BRD8: variants seen among roughly 807,000 people sequenced by gnomAD.
BRD8 encodes bromodomain containing 8, also known as bromodomain-containing protein 8.
In BRD8, 67 loss-of-function variants were observed where a neutral mutation model predicts 143.1. The ratio of observed to expected loss-of-function variants is 0.47; its 90% CI spans 0.38 to 0.57. BRD8 has a LOEUF of 0.57. Ranked by LOEUF, BRD8 falls within the 20% of genes least tolerant of loss-of-function variation. BRD8 has a pLI of 0.00. For synonymous variants in BRD8, 505 were observed against 517.1 expected (o/e 0.98, Z 0.32); for missense variants, 1,103 against 1,503.0 (o/e 0.73, Z 4.40).
intron 23 of BRD8, among the ~76,000 whole-genome samples, chr5:138,148,064 T>G (rs769069906): frequency 4.0e-5 from 6 of 149,422 alleles, no homozygotes; most frequent in Non-Finnish European, 8.9e-5. Context: ...AAACCAGGGG[T>G]GTCCAATCTT....
intron 9 of BRD8, 177 bp downstream of exon 9, chr5:138,167,756 AG>A: frequency 1.7e-6 from 1 of 595,480 alleles, no homozygotes. Context: ...TCTTGAAGAT[AG>A]ATGGCTTTAT....
Position 138,140,119 on chromosome 5 carries a change from T to A in BRD8, c.3663A>T (p.Glu1221Asp), listed in dbSNP as rs747319280. The change falls in exon 27 of 27, where the codon GAA (glutamate) becomes GAT (aspartate). Residue 1221 changes from glutamate (E) to aspartate (D), a missense_variant. Physicochemically the swap from Glu to Asp is conservative, Grantham distance 45 (BLOSUM62 2). Coordinates refer to ENST00000254900, the MANE Select transcript of BRD8 (RefSeq NM_139199.2). ...LDKRKGSSSLEGEPANPVDDG... is the reference protein window; with the variant it reads ...LDKRKGSSSLDGEPANPVDDG... ...CATCCACTGGGTTAGCTGGTTCTCC[T>A]TCCAGACTACTTGAGCCTTTTCTTT... 1 of 1,613,912 alleles carries A rather than the reference T, an allele frequency of 6.2e-7. No individual in the cohort carries two copies. The highest frequency in any genetic ancestry group is 1.3e-5 in the African/African-American group (1 of 74,936).
intron 7 of BRD8, 128 bp from the exon 8 acceptor site, chr5:138,169,486 G>A: frequency 8.8e-7 from 1 of 1,138,174 alleles, no homozygotes; most frequent in South Asian, 1.8e-5. Context: ...AATAAGTTTG[G>A]ATTAGAAAGC....
chr5:138,175,291 A>G (rs1244692969), intron 2 of BRD8, among the ~76,000 whole-genome samples: 1 of 152,206 alleles, frequency 6.6e-6, no homozygotes. Context: ...TAAAAAACAA[A>G]CAAAAAAAAT....
chr5:138,164,297 C>T, intron 13 of BRD8, 23 bp downstream of exon 13: 2 of 1,610,270 alleles, frequency 1.2e-6, no homozygotes, highest in Non-Finnish European at 1.7e-6. Context: ...GATTTCAAGT[C>T]AGTGAAAGAG....
At position 138,165,986 on chromosome 5, in the gene BRD8, A is replaced by C; in HGVS notation, c.1120T>G (p.Ser374Ala). Residue 374 changes from serine to alanine, a missense_variant, in exon 11 of 27, where the codon TCA becomes GCA. Physicochemically the swap from Ser to Ala is moderately conservative, Grantham distance 99 (BLOSUM62 1). This residue lies in a region of BRD8 where 334 missense variants were observed against 372.5 expected (regional missense o/e 0.90). Transcript: ENST00000254900. ...INSIKEECFR[S>A]GVAEAPVGSK... Reference sequence around the variant, plus strand: ...CCAACAGGAGCCTCTGCTACCCCTGATCGAAAACACTCTTCTTTGATAGAA... The same window carrying C: ...CCAACAGGAGCCTCTGCTACCCCTGCTCGAAAACACTCTTCTTTGATAGAA... 1 of 1,614,178 alleles carries C rather than the reference A, an allele frequency of 6.2e-7. No homozygotes were observed. The highest frequency in any genetic ancestry group is 1.3e-5 in the African/African-American group (1 of 75,028).
intron 6 of BRD8, 158 bp downstream of exon 6, chr5:138,170,674 C>G (rs1753790355): frequency 2.7e-6 from 2 of 747,674 alleles, no homozygotes; most frequent in Non-Finnish European, 4.7e-6. Flanking sequence ...CTAGGACTCA[C>G]TCCCCCCTCC....
Position 138,160,112 on chromosome 5 carries a change from A to C in BRD8, c.2489T>G (p.Leu830Arg). ...TTTGCGGGTAGAATCTCTCCCTCGA[A>C]GACTTTTAGCACTGATCCCAGACTC... ...TSESGISAKS[L>R]RGRDSTRKQD... is the part of the protein sequence containing the mutation. The change falls in exon 19 of 27, where the codon CTT (leucine) becomes CGT (arginine). Residue 830 changes from leucine to arginine, a missense_variant. Leu to Arg is a moderately radical substitution (Grantham distance 102). Around this residue, in one of 7 missense-constraint regions of BRD8, gnomAD observed 64 missense variants for 211.3 expected, o/e 0.30. Transcript: ENST00000254900. The C allele has an allele frequency of 6.2e-7, 1 of 1,614,162 alleles. No individual in the cohort carries two copies. Among genetic ancestry groups the C allele is most frequent in the South Asian group, 1.1e-5 (1 of 91,086 alleles).
At chr5:138,164,064 G>A in intron 14 of BRD8, 23 bp downstream of exon 14, 1 of 1,609,242 alleles carries the variant, frequency 6.2e-7, no homozygotes, top group South Asian at 1.1e-5. Context: ...ATGGCAAGAG[G>A]AATAAAGAAA....
intron 2 of BRD8, 68 bp downstream of exon 2, chr5:138,177,503 T>C: frequency 2.2e-6 from 2 of 918,918 alleles, no homozygotes; most frequent in Non-Finnish European, 3.6e-6. Flanking sequence ...ACTATAGAAA[T>C]CTACCGATGT....
intron 2 of BRD8, among the ~76,000 whole-genome samples, chr5:138,175,229 A>C (rs1581464949): frequency 6.6e-6 from 1 of 152,116 alleles, no homozygotes; most frequent in East Asian, 1.9e-4. Flanking sequence ...ATTGCTTTCT[A>C]TATAGTGTTT....
rs763963612 is a variant in BRD8 at position 138,170,987 on chromosome 5, G to T, written c.359+51C>A. 5 of 1,612,662 alleles carry T rather than the reference G, an allele frequency of 3.1e-6. No homozygotes were observed. The Admixed American group carries it at 8.3e-5, about 27-fold the overall frequency. On this transcript the variant is annotated intron_variant, in intron 5 of 26. Coordinates refer to ENST00000254900, the MANE Select transcript of BRD8 (RefSeq NM_139199.2). ...TTAAAAGTTCTGACCAGTACCAGAA[G>T]ACAGTCCCTTATGTCTTTCTCAATT... is the stretch of plus-strand genomic sequence containing the variant.
intron 25 of BRD8, among the ~76,000 whole-genome samples, chr5:138,142,353 C>A (rs1489576635): frequency 6.6e-6 from 1 of 152,108 alleles, no homozygotes; most frequent in Non-Finnish European, 1.5e-5. Flanking sequence ...AATTATCCAG[C>A]CTGTGGTATT....
Position 138,169,291 on chromosome 5 carries a change from A to T in BRD8, c.573T>A (p.Ser191=). The T allele has an allele frequency of 6.2e-7, 1 of 1,614,152 alleles. No individual in the cohort carries two copies. The highest frequency in any genetic ancestry group is 8.5e-7 in the Non-Finnish European group (1 of 1,179,988). Residue 191 remains serine (S), a synonymous_variant, in exon 8 of 27, where the codon TCT becomes TCA. Transcript: ENST00000254900. ...PTVMVRSPID[S]ASPGGDYPLG... is the part of the protein sequence containing the mutation. ...GTGGATAATCACCTCCTGGGGAGGC[A>T]GAATCTATAGGAGAGCGAACCATCA...
chr5:138,168,097 G>A lies in BRD8; in HGVS notation c.643-19C>T, dbSNP rs1424838189. The A allele has an allele frequency of 6.3e-6, 10 of 1,595,880 alleles. No individual in the cohort carries two copies. The highest frequency in any genetic ancestry group is 8.6e-6 in the Non-Finnish European group (10 of 1,168,408). On this transcript the variant is annotated intron_variant, in intron 8 of 26. Transcript: ENST00000254900. ...CATTGACCTACCAGGGAAGAATAGA[G>A]GTGAAGGCTACACTCAAGCTTTCCT... is the stretch of plus-strand genomic sequence containing the variant.
intron 25 of BRD8, among the ~76,000 whole-genome samples, chr5:138,142,344 A>G (rs1364757619): frequency 6.6e-6 from 1 of 152,188 alleles, no homozygotes; most frequent in African/African-American, 2.4e-5. Flanking sequence ...TTATTTATAA[A>G]TTATCCAGCC....
intron 14 of BRD8, chr5:138,163,710 C>T: frequency 1.8e-6 from 2 of 1,126,412 alleles, no homozygotes; most frequent in Non-Finnish European, 2.4e-6. Context: ...GCTCACATCA[C>T]ATTCTTTAAG....
chr5:138,156,965 A>G (rs1311649429), intron 20 of BRD8: 1 of 1,337,816 alleles, frequency 7.5e-7, no homozygotes, highest in East Asian at 2.9e-5. Flanking sequence ...AATTGACAAG[A>G]CAATACAAAC....
At chr5:138,166,987 T>A in intron 9 of BRD8, 1 of 350,884 alleles carries the variant, frequency 2.8e-6, no homozygotes, top group East Asian at 7.0e-5. Flanking sequence ...GGCTCACGCC[T>A]GTAATGCTAG....
Sources: allele counts gnomAD v4.1 joint callset (sites outside exome capture counted in the v4.1 genomes callset), GRCh38; gene constraint gnomAD v4.1.1; regional missense constraint gnomAD v4.1.1; transcripts MANE v1.5; gene names NCBI Gene and HGNC (gene_info 2026-07-23, HGNC 2026-07-21).